Variants in NIBAN3 observed in about 807,000 individuals in gnomAD.
The protein encoded by NIBAN3 is protein Niban 3.
NIBAN3 carries 66 observed loss-of-function variants against 76.4 expected under a neutral mutation model. The observed-to-expected ratio is 0.86, with a 90% CI of 0.71 to 1.06. NIBAN3 has a LOEUF of 1.06. Ranked by LOEUF, NIBAN3 falls within the 50% of genes least tolerant of loss-of-function variation. The probability of loss-of-function intolerance (pLI) is 0.00; values close to 1 mark genes in which losing one functional copy is unlikely to be tolerated. For missense variants in NIBAN3, 808 were observed against 810.7 expected (o/e 1.00, Z 0.04); for synonymous variants, 360 against 355.2 (o/e 1.01, Z -0.15).
In NIBAN3 at chr19:17,527,276, TGAGCCGAGGAACGCAGGCG is replaced by T. The variant is rs562801014; in HGVS notation, c.-63_-45del. ...CTCTCACCCGCCATCCAGGTGCCCC[TGAGCCGAGGAACGCAGGCG>T]GTGGTCGTGGGGAAGGGAAGAGGAG... On this transcript the variant is annotated 5_prime_UTR_variant, in exon 1 of 15. Transcript: ENST00000599164. The T allele has an allele frequency of 6.4e-7, 1 of 1,550,496 alleles. No individual in the cohort carries two copies. The highest frequency in any genetic ancestry group is 1.4e-5 in the African/African-American group (1 of 73,056).
At chr19:17,526,998 C>T (rs1484694463), upstream of NIBAN3, among the ~76,000 whole-genome samples, 1 of 152,106 alleles carries the variant, frequency 6.6e-6, no homozygotes, top group Admixed American at 6.5e-5. Flanking sequence ...GCATCCCTGC[C>T]CATCCCCCTG....
intron 13 of NIBAN3, among the ~76,000 whole-genome samples, chr19:17,548,413 G>A (rs544226977): frequency 5.9e-5 from 9 of 152,102 alleles, no homozygotes; most frequent in Admixed American, 1.3e-4. Flanking sequence ...CTGAGGCCCC[G>A]GTTCTGGGAA....
In NIBAN3 at chr19:17,553,352, G is replaced by C; in HGVS notation, c.*1454G>C. On this transcript the variant is annotated 3_prime_UTR_variant, in exon 15 of 15. Transcript: ENST00000599164. ...TTGGTGTCAAGTTTCCTGGCTGGGA[G>C]ACAAGCTTTTACCGACTTCCTCTGC... 1.2e-6 allele frequency: 2 copies of C among 1,614,066 alleles called. No individual in the cohort carries two copies. The highest frequency in any genetic ancestry group is 1.7e-6 in the Non-Finnish European group (2 of 1,179,982).
Position 17,553,157 on chromosome 19 carries a change from C to T in NIBAN3, c.*1259C>T. 1.0e-5 allele frequency: 11 copies of T among 1,087,900 alleles called. No individual in the cohort carries two copies. Among genetic ancestry groups the T allele is most frequent in the South Asian group, 3.7e-5 (2 of 53,338 alleles). The allele number at this position is 1,087,900 out of a possible 1,614,324, so 67.4% of individuals were successfully genotyped here. A position where few individuals can be genotyped will look rare whatever the true frequency, so the allele number is the denominator to read the frequency against. ...TTTTAATTTCAGTGAATTGCCTGTT[C>T]ATAGCTTTTTTCTACTTTTCAGGAG... On this transcript the variant is annotated 3_prime_UTR_variant, in exon 15 of 15. Coordinates refer to ENST00000599164, the MANE Select transcript of NIBAN3 (RefSeq NM_001321827.2).
At position 17,543,383 on chromosome 19, in the gene NIBAN3, T is replaced by C. The variant is rs140048862; in HGVS notation, c.1396T>C (p.Cys466Arg). The C allele has an allele frequency of 7.5e-5, 120 of 1,608,064 alleles. No homozygotes were observed. In the Middle Eastern group the frequency reaches 1.2e-3, roughly 16 times the overall value. ...ADQCLTTALNCDQAAQRLERV... is the reference protein window; with the variant it reads ...ADQCLTTALNRDQAAQRLERV... ...CCAGTGTCTGACGACGGCCCTCAAC[T>C]GTGACCAGGCTGCCCAGAGGCTGGA... Residue 466 changes from cysteine (C) to arginine (R), a missense_variant, in exon 11 of 15, where the codon TGT becomes CGT. Physicochemically the swap from Cys to Arg is radical, Grantham distance 180. Coordinates refer to ENST00000599164, the MANE Select transcript of NIBAN3 (RefSeq NM_001321827.2).
At position 17,537,382 on chromosome 19, in the gene NIBAN3, A is replaced by T. The variant is rs760086187; in HGVS notation, c.434A>T (p.His145Leu). Residue 145 changes from histidine to leucine, a missense_variant, in exon 5 of 15, where the codon CAT (histidine) becomes CTT (leucine). Transcript: ENST00000599164. ...DALCPESLGD[H>L]TQEEPDSLLE... ...ACCTCCTGTTTGTTTTCAGGAGACCATACTCAGGAAGAGCCTGACTCCCTC... is the reference window on the plus strand; with the variant it reads ...ACCTCCTGTTTGTTTTCAGGAGACCTTACTCAGGAAGAGCCTGACTCCCTC... 1.2e-6 allele frequency: 2 copies of T among 1,613,586 alleles called. No homozygotes were observed. Among genetic ancestry groups the T allele is most frequent in the South Asian group, 2.2e-5 (2 of 91,018 alleles).
At position 17,540,517 on chromosome 19, in the gene NIBAN3, C is replaced by T. The variant is rs369599576; in HGVS notation, c.1105C>T (p.Gln369Ter). The T allele has an allele frequency of 2.6e-5, 41 of 1,594,866 alleles. No individual in the cohort carries two copies. In the African/African-American group the frequency reaches 5.4e-4, roughly 21 times the overall value. The change falls in exon 9 of 15, where the codon CAA becomes TAA. Residue 369 changes from glutamine (Q) to a stop codon, truncating the protein, a stop_gained. Coordinates refer to ENST00000599164, the MANE Select transcript of NIBAN3 (RefSeq NM_001321827.2). LOFTEE classifies it high-confidence loss of function. ...SLEAVRTLLA[Q>*]GMDRLSHRLR... Reference sequence around the variant, plus strand: ...CGAGGCGGTGCGGACCCTCCTGGCTCAAGGCATGGACCGACTGTCCCACCG... The same window carrying T: ...CGAGGCGGTGCGGACCCTCCTGGCTTAAGGCATGGACCGACTGTCCCACCG...
chr19:17,546,875 C>T (rs575071840), intron 13 of NIBAN3, 78 bp downstream of exon 13: 33 of 1,503,214 alleles, frequency 2.2e-5, no homozygotes, highest in Non-Finnish European at 2.6e-5. Context: ...AGGGCCACAT[C>T]GACTCTCACT....
downstream of NIBAN3, among the ~76,000 whole-genome samples, chr19:17,554,154 G>A (rs149499271): frequency 0.049 from 7,481 of 152,130 alleles, 190 homozygotes; most frequent in South Asian, 0.084. Flanking sequence ...GATTACAGGC[G>A]TGAGCCACTG....
Position 17,542,074 on chromosome 19 carries a change from TC to T in NIBAN3, c.1171-59del. The T allele has an allele frequency of 6.3e-7, 1 of 1,587,260 alleles. No individual in the cohort carries two copies. Among genetic ancestry groups the T allele is most frequent in the South Asian group, 1.1e-5 (1 of 90,216 alleles). ...CTCCTTTGGTGAATTGGTAATGGGGTCCCTGGCCCTTTGCAATCAGCTGACA... is the reference window on the plus strand; with the variant it reads ...CTCCTTTGGTGAATTGGTAATGGGGTCCTGGCCCTTTGCAATCAGCTGACA... On this transcript the variant is annotated intron_variant, in intron 9 of 14. Coordinates refer to ENST00000599164, the MANE Select transcript of NIBAN3 (RefSeq NM_001321827.2). The surrounding 1 kb of genome is among the most constrained non-coding windows in gnomAD (Gnocchi z 4.8).
In NIBAN3 at chr19:17,542,218, T is replaced by G. The variant is rs1180117843; in HGVS notation, c.1253T>G (p.Leu418Trp). 6.2e-7 allele frequency: 1 copy of G among 1,613,898 alleles called. No homozygotes were observed. Among genetic ancestry groups the G allele is most frequent in the Non-Finnish European group, 8.5e-7 (1 of 1,180,030 alleles). Residue 418 changes from leucine to tryptophan, a missense_variant, in exon 10 of 15, where the codon TTG (leucine) becomes TGG (tryptophan). By Grantham distance (61) the Leu-to-Trp change is moderately conservative. Coordinates refer to ENST00000599164, the MANE Select transcript of NIBAN3 (RefSeq NM_001321827.2). The surrounding 1 kb of genome is among the most constrained non-coding windows in gnomAD (Gnocchi z 4.8). ...YREAERSRGR[L>W]GQLAAPFGFL... The stretch of plus-strand genomic sequence containing the variant: ...GAGGCCGAGCGGAGCCGGGGGCGCT[T>G]GGGGCAGCTGGCAGCACCGTTTGGC...
chr19:17,534,708 G>A (rs1330043169), intron 4 of NIBAN3, among the ~76,000 whole-genome samples: 2 of 150,552 alleles, frequency 1.3e-5, no homozygotes, highest in Admixed American at 6.7e-5. Context: ...GGAGAATGGC[G>A]TGAACCCGGG....
chr19:17,549,959 G>A, intron 14 of NIBAN3: 3 of 339,518 alleles, frequency 8.8e-6, no homozygotes, highest in Non-Finnish European at 1.6e-5. Flanking sequence ...TGGGACTACA[G>A]GCGGCACATG....
intron 12 of NIBAN3, chr19:17,543,991 C>CA (rs11313110): frequency 0.023 from 1,453 of 64,198 alleles, 87 homozygotes; most frequent in African/African-American, 0.046. Context: ...AACTCAGTCT[C>CA]AAAAAAAAAA....
At position 17,553,219 on chromosome 19, in the gene NIBAN3, T is replaced by C. The variant is rs2076182404; in HGVS notation, c.*1321T>C. On this transcript the variant is annotated 3_prime_UTR_variant, in exon 15 of 15. Transcript: ENST00000599164. ...TTCTTATTGATATCTAATAACTCTTTATATCTGAAGGATATGAACGCTTTG... is the reference window on the plus strand; with the variant it reads ...TTCTTATTGATATCTAATAACTCTTCATATCTGAAGGATATGAACGCTTTG... The C allele has an allele frequency of 1.3e-6, 2 of 1,528,416 alleles. No homozygotes were observed. Among genetic ancestry groups the C allele is most frequent in the Non-Finnish European group, 1.8e-6 (2 of 1,140,510 alleles). 94.7% of individuals were successfully genotyped at this position (1,528,416 alleles called of 1,614,324 possible). A position where few individuals can be genotyped will look rare whatever the true frequency, so the allele number is the denominator to read the frequency against.
At chr19:17,540,341 C>A in intron 8 of NIBAN3, 51 bp from the exon 9 acceptor site, 2 of 1,347,442 alleles carry the variant, frequency 1.5e-6, no homozygotes, top group Non-Finnish European at 1.9e-6. Context: ...ACATCCCCAT[C>A]TGTGAGGCAC....
At chr19:17,528,564 G>A (rs2075652946) in intron 1 of NIBAN3, among the ~76,000 whole-genome samples, 1 of 152,144 alleles carries the variant, frequency 6.6e-6, no homozygotes, top group Non-Finnish European at 1.5e-5. Context: ...TGGGGATGGA[G>A]GCTCAGTTCC....
chr19:17,549,927 CTG>C, intron 14 of NIBAN3: 1 of 377,890 alleles, frequency 2.6e-6, no homozygotes, highest in Non-Finnish European at 4.7e-6. Flanking sequence ...AGTGAATCTC[CTG>C]CCTCAGCCTC....
chr19:17,533,577 C>T lies in NIBAN3; in HGVS notation c.313-10C>T. 6.2e-7 allele frequency: 1 copy of T among 1,605,740 alleles called. No individual in the cohort carries two copies. The highest frequency in any genetic ancestry group is 8.5e-7 in the Non-Finnish European group (1 of 1,172,512). Reference sequence around the variant, plus strand: ...CTGTCCCAGGTTGGTTCTCTGGGTACCTTTTGTAGGAATATGAAAACGGGG... The same window carrying T: ...CTGTCCCAGGTTGGTTCTCTGGGTATCTTTTGTAGGAATATGAAAACGGGG... On this transcript the variant is annotated splice_polypyrimidine_tract_variant and intron_variant, in intron 3 of 14. Transcript: ENST00000599164.
Sources: allele counts gnomAD v4.1 joint callset (sites outside exome capture counted in the v4.1 genomes callset), GRCh38; gene constraint gnomAD v4.1.1; non-coding constraint Gnocchi (gnomAD v3.1); transcripts MANE v1.5; gene names NCBI Gene and HGNC (gene_info 2026-07-23, HGNC 2026-07-21).